Variants in COMP observed in about 807,000 individuals in gnomAD.
The protein encoded by COMP is cartilage oligomeric matrix protein.
Under a neutral mutation model 95.8 loss-of-function variants are expected in COMP, and 79 were observed. The ratio of observed to expected loss-of-function variants is 0.82; its 90% CI spans 0.69 to 0.99. The LOEUF (loss-of-function observed/expected upper bound fraction) is 0.99, where lower values mean the gene tolerates loss of function less well. Among genes scored for constraint, COMP ranks in the 50% least tolerant of loss-of-function variants. The probability of loss-of-function intolerance (pLI) is 0.00; values close to 1 mark genes in which losing one functional copy is unlikely to be tolerated. For missense variants in COMP, 906 were observed against 1,076.1 expected (o/e 0.84, Z 2.21); for synonymous variants, 438 against 433.9 (o/e 1.01, Z -0.12).
At chr19:18,786,763 CTTTTTTTTT>C (rs10577504) in intron 10 of COMP, 113 bp from the exon 11 acceptor site, 308 of 283,396 alleles carry the variant, frequency 1.1e-3, no homozygotes, top group Non-Finnish European at 1.3e-3. Flanking sequence ...TTCATGGAAG[CTTTTTTTTT>C]TTTTTTTTTT....
At chr19:18,785,917 G>A (rs1389671709) in intron 13 of COMP, 48 bp downstream of exon 13, 8 of 1,599,320 alleles carry the variant, frequency 5.0e-6, no homozygotes, top group African/African-American at 1.3e-5. Flanking sequence ...CCCGCGCCAG[G>A]AGCCCCCACT....
In COMP at chr19:18,789,792, G is replaced by T. The variant is rs190258640; in HGVS notation, c.390+150C>A. On this transcript the variant is annotated intron_variant, in intron 4 of 18. Coordinates refer to ENST00000222271, the MANE Select transcript of COMP (RefSeq NM_000095.3). The surrounding 1 kb of genome is among the most constrained non-coding windows in gnomAD (Gnocchi z 6.1). ...GTCCTTGGGTTGGGCGTCCCCCCGC[G>T]GTAAGGAGGTAGTCTGGCCGTGCGC... 15 of 1,015,530 alleles carry T rather than the reference G, an allele frequency of 1.5e-5. No individual in the cohort carries two copies. In the African/African-American group the frequency reaches 2.1e-4, roughly 14 times the overall value. 62.9% of individuals were successfully genotyped at this position (1,015,530 alleles called of 1,614,324 possible).
rs1462219183 is a variant in COMP at position 18,784,279 on chromosome 19, G to T, written c.1999C>A (p.Leu667Met). Residue 667 changes from leucine to methionine, a missense_variant, in exon 17 of 19, where the codon CTG (leucine) becomes ATG (methionine). Coordinates refer to ENST00000222271, the MANE Select transcript of COMP (RefSeq NM_000095.3). This position sits in a 1 kb window ranked among gnomAD's most constrained non-coding sequence, Gnocchi z 4.9. ...TGDTESQVRL[L>M]WKDPRNVGWK... ...CCCACGTTTCGCGGGTCCTTCCACA[G>T]CAGCCGCACCTGGGACTCTGTGTCT... 6.2e-7 allele frequency: 1 copy of T among 1,613,980 alleles called. No individual in the cohort carries two copies. The highest frequency in any genetic ancestry group is 8.5e-7 in the Non-Finnish European group (1 of 1,180,054).
rs1452342256 is a variant in COMP, at chr19:18,784,115, C to A, written c.2087+76G>T. 1 of 1,531,608 alleles carries A rather than the reference C, an allele frequency of 6.5e-7. No homozygotes were observed. The highest frequency in any genetic ancestry group is 9.0e-7 in the Non-Finnish European group (1 of 1,107,836). The allele number at this position is 1,531,608 out of a possible 1,614,324, so 94.9% of individuals were successfully genotyped here. ...GATGAGGGGACCAGGGTCACACAGCCCCTGCCTGGCCAGGGCACTCCCACC... is the reference window on the plus strand; with the variant it reads ...GATGAGGGGACCAGGGTCACACAGCACCTGCCTGGCCAGGGCACTCCCACC... On this transcript the variant is annotated intron_variant, in intron 17 of 18. Transcript: ENST00000222271. The surrounding 1 kb of genome is among the most constrained non-coding windows in gnomAD (Gnocchi z 4.9).
In COMP at chr19:18,789,577, T is replaced by C. The variant is rs1316109389; in HGVS notation, c.391-280A>G. Among the ~76,000 whole-genome samples, 1 of 149,316 alleles carries C rather than the reference T, an allele frequency of 6.7e-6. No homozygotes were observed. The highest frequency in any genetic ancestry group is 6.6e-5 in the Admixed American group (1 of 15,078). On this transcript the variant is annotated intron_variant, in intron 4 of 18. Transcript: ENST00000222271. This position sits in a 1 kb window ranked among gnomAD's most constrained non-coding sequence, Gnocchi z 6.1. ...GGGGCAGGGGTCGTCGGGGCGTGCG[T>C]GCCCGGCGGTGGCGGGGGGTCTGGG...
At chr19:18,790,806 C>T (rs1263665880) in intron 2 of COMP, 44 bp downstream of exon 2, 2 of 1,558,942 alleles carry the variant, frequency 1.3e-6, no homozygotes, top group African/African-American at 2.7e-5. Flanking sequence ...CTGAGACCCC[C>T]TTCCGTTCCC....
At position 18,784,382 on chromosome 19, in the gene COMP, G is replaced by T; in HGVS notation, c.1915-19C>A. 6.2e-7 allele frequency: 1 copy of T among 1,613,686 alleles called. No homozygotes were observed. Among genetic ancestry groups the T allele is most frequent in the Admixed American group, 1.7e-5 (1 of 60,020 alleles). ...TCACAGCCTGCCAATACCCAGGAAA[G>T]GTGGTCAGAGACCTCGTGGGCCACC... is the stretch of plus-strand genomic sequence containing the variant. On this transcript the variant is annotated intron_variant, in intron 16 of 18. Transcript: ENST00000222271. The surrounding 1 kb of genome is among the most constrained non-coding windows in gnomAD (Gnocchi z 4.9).
Position 18,788,504 on chromosome 19 carries a change from C to A in COMP, c.773G>T (p.Gly258Val). 6.2e-7 allele frequency: 1 copy of A among 1,606,366 alleles called. No individual in the cohort carries two copies. Among genetic ancestry groups the A allele is most frequent in the Non-Finnish European group, 8.5e-7 (1 of 1,177,092 alleles). Residue 258 changes from glycine to valine, a missense_variant, in exon 8 of 19, where the codon GGC becomes GTC. By Grantham distance (109) the Gly-to-Val change is moderately radical (BLOSUM62 -3). Transcript: ENST00000222271. The surrounding 1 kb of genome is among the most constrained non-coding windows in gnomAD (Gnocchi z 4.7). ...ACAGAGGATCCCGTTGCCGGCCCAG[C>A]CAACGGCACACTGTGGGAGAGTGTA... ...DGSRSCVCAVGWAGNGILCGR... is the reference protein window; with the variant it reads ...DGSRSCVCAVVWAGNGILCGR...
chr19:18,785,565 G>C lies in COMP; in HGVS notation c.1669-19C>G, dbSNP rs766649088. 2.9e-5 allele frequency: 46 copies of C among 1,613,900 alleles called. No homozygotes were observed. The highest frequency in any genetic ancestry group is 3.6e-5 in the Non-Finnish European group (43 of 1,180,028). Reference sequence around the variant, plus strand: ...CCCTTCCCTGATGGGGTCAAAGAAAGGAGGGCCTCAGGCTGGCCGTGACAG... The same window carrying C: ...CCCTTCCCTGATGGGGTCAAAGAAACGAGGGCCTCAGGCTGGCCGTGACAG... On this transcript the variant is annotated intron_variant, in intron 14 of 18. Coordinates refer to ENST00000222271, the MANE Select transcript of COMP (RefSeq NM_000095.3).
Position 18,788,494 on chromosome 19 carries a change from G to A in COMP, c.783C>T (p.Gly261=). 1 of 1,607,202 alleles carries A rather than the reference G, an allele frequency of 6.2e-7. No homozygotes were observed. Among genetic ancestry groups the A allele is most frequent in the African/African-American group, 1.3e-5 (1 of 74,800 alleles). Residue 261 remains glycine (G), a synonymous_variant, in exon 8 of 19, where the codon GGC becomes GGT. Coordinates refer to ENST00000222271, the MANE Select transcript of COMP (RefSeq NM_000095.3). The surrounding 1 kb of genome is among the most constrained non-coding windows in gnomAD (Gnocchi z 4.7). ...TGTCGCGACCACAGAGGATCCCGTT[G>A]CCGGCCCAGCCAACGGCACACTGTG... is the stretch of plus-strand genomic sequence containing the variant. ...RSCVCAVGWA[G]NGILCGRDTD... is the part of the protein sequence containing the mutation.
chr19:18,784,821 G>A lies in COMP; in HGVS notation c.1914+75C>T. The A allele has an allele frequency of 6.6e-7, 1 of 1,521,040 alleles. No individual in the cohort carries two copies. Among genetic ancestry groups the A allele is most frequent in the Non-Finnish European group, 9.0e-7 (1 of 1,105,326 alleles). The allele number at this position is 1,521,040 out of a possible 1,614,324, so 94.2% of individuals were successfully genotyped here. On this transcript the variant is annotated intron_variant, in intron 16 of 18. Transcript: ENST00000222271. The surrounding 1 kb of genome is among the most constrained non-coding windows in gnomAD (Gnocchi z 4.9). ...GGCTAGGGGGCTGGGGGGCTCTAAGGGCTGTAAAGGGTTTTACGGAGGGTC... is the reference window on the plus strand; with the variant it reads ...GGCTAGGGGGCTGGGGGGCTCTAAGAGCTGTAAAGGGTTTTACGGAGGGTC...
intron 11 of COMP, 94 bp from the exon 12 acceptor site, chr19:18,786,385 C>T: frequency 8.9e-6 from 14 of 1,576,168 alleles, no homozygotes; most frequent in Non-Finnish European, 1.2e-5. Flanking sequence ...TCCTCCTGAC[C>T]CCAAGGAAAC....
At position 18,788,856 on chromosome 19, in the gene COMP, C is replaced by T. The variant is rs763345173; in HGVS notation, c.586G>A (p.Val196Met). The change falls in exon 6 of 19, where the codon GTG becomes ATG. Residue 196 changes from valine (V) to methionine (M), a missense_variant. By Grantham distance (21) the Val-to-Met change is conservative. Coordinates refer to ENST00000222271, the MANE Select transcript of COMP (RefSeq NM_000095.3). This position sits in a 1 kb window ranked among gnomAD's most constrained non-coding sequence, Gnocchi z 4.7. The stretch of plus-strand genomic sequence containing the variant: ...GGCCTTACCCGGGTGTTGATGCACA[C>T]GGAGTTGGGGACGCAGTTATGTTGC... ...TGQHNCVPNSVCINTRGSFQC... is the reference protein window; with the variant it reads ...TGQHNCVPNSMCINTRGSFQC... 2.5e-6 allele frequency: 4 copies of T among 1,613,952 alleles called. No homozygotes were observed. In the East Asian group the frequency reaches 6.7e-5, roughly 27 times the overall value.
chr19:18,788,673 G>A lies in COMP; in HGVS notation c.681C>T (p.Arg227=), dbSNP rs1231251167. The change falls in exon 7 of 19, where the codon CGC becomes CGT. Residue 227 remains arginine (R), a synonymous_variant. Transcript: ENST00000222271. This position sits in a 1 kb window ranked among gnomAD's most constrained non-coding sequence, Gnocchi z 4.7. ...CGCTGGGCGAGCCGTCGGGGCAGAA[G>A]CGCTGTGCGCGCCGCTGGCAGCCGG... The part of the protein sequence containing the change: ...QASGCQRRAQ[R]FCPDGSPSEC... 2 of 1,542,820 alleles carry A rather than the reference G, an allele frequency of 1.3e-6. No individual in the cohort carries two copies. Among genetic ancestry groups the A allele is most frequent in the African/African-American group, 1.4e-5 (1 of 72,860 alleles).
In COMP at chr19:18,789,199, G is replaced by A. The variant is rs1448058969; in HGVS notation, c.489C>T (p.His163=). Residue 163 remains histidine, a synonymous_variant, in exon 5 of 19, where the codon CAC becomes CAT. Coordinates refer to ENST00000222271, the MANE Select transcript of COMP (RefSeq NM_000095.3). This position sits in a 1 kb window ranked among gnomAD's most constrained non-coding sequence, Gnocchi z 6.1. ...TGGCGAAAGCCAGCCCCACGCCCTG[G>A]TGGGTGGGGCCGCTGTACCCCGGCG... The part of the protein sequence containing the change: ...ACPPGYSGPT[H]QGVGLAFAKA... 5.6e-5 allele frequency: 87 copies of A among 1,561,902 alleles called. No homozygotes were observed. The highest frequency in any genetic ancestry group is 7.2e-5 in the Non-Finnish European group (84 of 1,160,912).
In COMP at chr19:18,785,068, T is replaced by C; in HGVS notation, c.1742A>G (p.Asp581Gly). The C allele has an allele frequency of 6.2e-7, 1 of 1,614,060 alleles. No homozygotes were observed. The change falls in exon 16 of 19, where the codon GAC becomes GGC. Residue 581 changes from aspartate (D) to glycine (G), a missense_variant. Transcript: ENST00000222271. ...AVGYTAFNGV[D>G]FEGTFHVNTV... ...GTTCACATGGAACGTGCCCTCGAAG[T>C]CCACGCCATTGAAGGCAGTGTAACC...
rs1197863337 is a variant in COMP, at chr19:18,789,910, G to A, written c.390+32C>T. 5 of 1,593,828 alleles carry A rather than the reference G, an allele frequency of 3.1e-6. No individual in the cohort carries two copies. Among genetic ancestry groups the A allele is most frequent in the Non-Finnish European group, 3.4e-6 (4 of 1,178,078 alleles). ...AGATTGGGGGGCGGTAGAGGGAGTCGTCAGGGCGGTGGAGTGTCGGGGCTA... is the reference window on the plus strand; with the variant it reads ...AGATTGGGGGGCGGTAGAGGGAGTCATCAGGGCGGTGGAGTGTCGGGGCTA... On this transcript the variant is annotated intron_variant, in intron 4 of 18. Transcript: ENST00000222271. The surrounding 1 kb of genome is among the most constrained non-coding windows in gnomAD (Gnocchi z 6.1).
chr19:18,785,718 C>T lies in COMP; in HGVS notation c.1623G>A (p.Pro541=). 3 of 1,613,452 alleles carry T rather than the reference C, an allele frequency of 1.9e-6. No homozygotes were observed. The highest frequency in any genetic ancestry group is 2.2e-5 in the East Asian group (1 of 44,870). Residue 541 remains proline (P), a synonymous_variant, in exon 14 of 19, where the codon CCG becomes CCA. Transcript: ENST00000222271. ...TGGGGTCAATCTGCGCGTCACCCTC[C>T]GGGTCCAGCACGACTGTCTGGAAGG... The part of the protein sequence containing the change: ...FRAFQTVVLD[P]EGDAQIDPNW...
rs1166200616 is a variant in COMP at position 18,790,570 on chromosome 19, T to C, written c.209A>G (p.Asp70Gly). ...CGCCCCGCCGCGCTCACCGCACGCG[T>C]CACACTCCATCACCGTGTTTTTCAG... Reference protein sequence around the residue: ...TFLKNTVMECDACGMQQSVRT... With the variant: ...TFLKNTVMECGACGMQQSVRT... Residue 70 changes from aspartate to glycine, a missense_variant, in exon 3 of 19, where the codon GAC becomes GGC. Coordinates refer to ENST00000222271, the MANE Select transcript of COMP (RefSeq NM_000095.3). The C allele has an allele frequency of 2.5e-6, 4 of 1,613,708 alleles. No homozygotes were observed. The highest frequency in any genetic ancestry group is 1.3e-5 in the African/African-American group (1 of 74,848).
Sources: allele counts gnomAD v4.1 joint callset (sites outside exome capture counted in the v4.1 genomes callset), GRCh38; gene constraint gnomAD v4.1.1; non-coding constraint Gnocchi (gnomAD v3.1); transcripts MANE v1.5; gene names NCBI Gene and HGNC (gene_info 2026-07-23, HGNC 2026-07-21).